The following SLC4A9 variants were observed in gnomAD, a reference collection of about 807,000 sequenced individuals.
SLC4A9 encodes solute carrier family 4 member 9.
In SLC4A9, 102 loss-of-function variants were observed where a neutral mutation model predicts 103.2. The observed-to-expected ratio is 0.99, with a 90% CI of 0.84 to 1.17. SLC4A9 has a LOEUF of 1.17. Among genes scored for constraint, SLC4A9 ranks in the 50% most tolerant of loss-of-function variants. The pLI, the probability that SLC4A9 is intolerant of heterozygous loss-of-function variation, is 0.00. For synonymous variants in SLC4A9, 453 were observed against 483.6 expected (o/e 0.94, Z 0.83); for missense variants, 1,091 against 1,193.7 (o/e 0.91, Z 1.27).
In SLC4A9 at chr5:140,367,869, C is replaced by T. The variant is rs758766611; in HGVS notation, c.2325C>T (p.Pro775=). The T allele has an allele frequency of 7.4e-6, 12 of 1,613,846 alleles. 1 individual carries two copies. Among genetic ancestry groups the T allele is most frequent in the East Asian group, 6.7e-5 (3 of 44,886 alleles). Residue 775 remains proline (P), a synonymous_variant, in exon 16 of 22, where the codon CCC becomes CCT. Transcript: ENST00000506757. ...GGAGAGAGAGCAGAGCCTGTGCCCC[C>T]GGGGAGCGCCCCAACTTCCTGGGTA... is the stretch of plus-strand genomic sequence containing the variant. ...SLRRESRACA[P]GERPNFLGIR... is the part of the protein sequence containing the mutation.
At chr5:140,372,607 C>A in intron 20 of SLC4A9, 138 bp from the exon 21 acceptor site, 1 of 1,440,942 alleles carries the variant, frequency 6.9e-7, no homozygotes, top group Non-Finnish European at 9.1e-7. Context: ...GTGGAAAGGG[C>A]TGAGGCTTCA....
Position 140,360,389 on chromosome 5 carries a change from C to A in SLC4A9, c.153C>A (p.Pro51=). The change falls in exon 1 of 22, where the codon CCC becomes CCA. Residue 51 remains proline, a synonymous_variant. Coordinates refer to ENST00000506757, the MANE Select transcript of SLC4A9 (RefSeq NM_031467.3). ...CAGAGAGCAAGGAACTGGGAGTACC[C>A]AAAGACCCTCTGCTCTTCATTCAGC... ...SDTESKELGV[P]KDPLLFIQLN... 6.2e-7 allele frequency: 1 copy of A among 1,605,544 alleles called. No homozygotes were observed. The highest frequency in any genetic ancestry group is 2.2e-5 in the East Asian group (1 of 44,508).
chr5:140,366,371 A>T, intron 14 of SLC4A9, 107 bp downstream of exon 14: 1 of 765,036 alleles, frequency 1.3e-6, no homozygotes, highest in Non-Finnish European at 2.1e-6. Flanking sequence ...TTCTTTCTTC[A>T]CTAATAAGCT....
chr5:140,364,596 G>C lies in SLC4A9; in HGVS notation c.1622G>C (p.Gly541Ala). Residue 541 changes from glycine (G) to alanine (A), a missense_variant, in exon 11 of 22, where the codon GGG becomes GCG. By Grantham distance (60) the Gly-to-Ala change is moderately conservative (BLOSUM62 0). Transcript: ENST00000506757. ...CAGAAGCCTGGGTCCTCTGCCTACGGGTGCCTCTGCCAATACCCAGGCCCA... is the reference window on the plus strand; with the variant it reads ...CAGAAGCCTGGGTCCTCTGCCTACGCGTGCCTCTGCCAATACCCAGGCCCA... ...PIQKPGSSAY[G>A]CLCQYPGPGG... 1 of 1,601,486 alleles carries C rather than the reference G, an allele frequency of 6.2e-7. No individual in the cohort carries two copies. The highest frequency in any genetic ancestry group is 8.5e-7 in the Non-Finnish European group (1 of 1,173,848).
intron 17 of SLC4A9, among the ~76,000 whole-genome samples, chr5:140,369,279 T>C (rs1768342513): frequency 7.2e-6 from 1 of 138,450 alleles, no homozygotes; most frequent in African/African-American, 2.7e-5. Flanking sequence ...CAAGAATGTC[T>C]CAAAAAAAAA....
chr5:140,360,429 G>A lies in SLC4A9; in HGVS notation c.193G>A (p.Gly65Ser), dbSNP rs1176928432. The part of the protein sequence containing the change: ...LLFIQLNELL[G>S]WPQALEWRET... ...CTTCATTCAGCTGAATGAGCTGCTG[G>A]GCTGGCCCCAGGCGCTGGAGTGGAG... Residue 65 changes from glycine to serine, a missense_variant, in exon 1 of 22, where the codon GGC becomes AGC. By Grantham distance (56) the Gly-to-Ser change is moderately conservative (BLOSUM62 0). Coordinates refer to ENST00000506757, the MANE Select transcript of SLC4A9 (RefSeq NM_031467.3). 1 of 1,592,224 alleles carries A rather than the reference G, an allele frequency of 6.3e-7. No homozygotes were observed. Among genetic ancestry groups the A allele is most frequent in the Non-Finnish European group, 8.6e-7 (1 of 1,169,090 alleles).
In SLC4A9 at chr5:140,360,314, C is replaced by G. The variant is rs1460386146; in HGVS notation, c.78C>G (p.Asp26Glu). 1 of 1,612,144 alleles carries G rather than the reference C, an allele frequency of 6.2e-7. No individual in the cohort carries two copies. Among genetic ancestry groups the G allele is most frequent in the Non-Finnish European group, 8.5e-7 (1 of 1,179,172 alleles). Residue 26 changes from aspartate to glutamate, a missense_variant, in exon 1 of 22, where the codon GAC (aspartate) becomes GAG (glutamate). By Grantham distance (45) the Asp-to-Glu change is conservative. Coordinates refer to ENST00000506757, the MANE Select transcript of SLC4A9 (RefSeq NM_031467.3). ...GAAATATTCCTTCAGGGGAGCTGGA[C>G]AGCAACCCTGACCCTGGCACCGGCC... ...APRNIPSGELDSNPDPGTGPS... is the reference protein window; with the variant it reads ...APRNIPSGELESNPDPGTGPS...
chr5:140,364,751 G>A, intron 11 of SLC4A9, 126 bp downstream of exon 11: 1 of 1,154,254 alleles, frequency 8.7e-7, no homozygotes, highest in South Asian at 1.6e-5. Context: ...ATAACTGGCA[G>A]TACTATTTAC....
At chr5:140,362,356 A>G (rs909743845) in intron 5 of SLC4A9, 89 bp from the exon 6 acceptor site, 83 of 1,356,614 alleles carry the variant, frequency 6.1e-5, no homozygotes, top group Non-Finnish European at 7.7e-5. Flanking sequence ...TGTTTATGGG[A>G]GCTGATAGGT....
At position 140,369,508 on chromosome 5, in the gene SLC4A9, A is replaced by G. The variant is rs1302679791; in HGVS notation, c.2427+849A>G. On this transcript the variant is annotated intron_variant, in intron 17 of 21. Coordinates refer to ENST00000506757, the MANE Select transcript of SLC4A9 (RefSeq NM_031467.3). ...AATTAAGTAACAAGTAATAGCAAAA[A>G]GGTTGAACAAGCCAAGACAGCAAGC... is the stretch of plus-strand genomic sequence containing the variant. 5.4e-5 allele frequency among the ~76,000 whole-genome samples: 8 copies of G among 148,556 alleles called. No homozygotes were observed. In the South Asian group the frequency reaches 1.3e-3, roughly 24 times the overall value.
In SLC4A9 at chr5:140,363,371, C is replaced by A; in HGVS notation, c.963-68C>A. The A allele has an allele frequency of 1.4e-6, 2 of 1,404,896 alleles. No homozygotes were observed. The highest frequency in any genetic ancestry group is 2.0e-6 in the Non-Finnish European group (2 of 1,024,394). The allele number at this position is 1,404,896 out of a possible 1,614,324, so 87.0% of individuals were successfully genotyped here. A position where few individuals can be genotyped will look rare whatever the true frequency, so the allele number is the denominator to read the frequency against. ...GCAGCCGCTAGGGGGCAGGGCGCCA[C>A]GAGCTCTGGACCGAGTCGCAGACTG... On this transcript the variant is annotated intron_variant, in intron 7 of 21. Transcript: ENST00000506757. This position sits in a 1 kb window ranked among gnomAD's most constrained non-coding sequence, Gnocchi z 4.5.
At chr5:140,371,706 G>GGGTGGCCA in intron 19 of SLC4A9, 82 bp downstream of exon 19, 1 of 1,483,620 alleles carries the variant, frequency 6.7e-7, no homozygotes, top group Non-Finnish European at 9.2e-7. Context: ...GCCTCCACGA[G>GGGTGGCCA]AGGAAGAATC....
At chr5:140,371,703 C>A in intron 19 of SLC4A9, 79 bp downstream of exon 19, 2 of 1,493,348 alleles carry the variant, frequency 1.3e-6, no homozygotes, top group Non-Finnish European at 1.8e-6. Flanking sequence ...AAGGCCTCCA[C>A]GAGAGGAAGA....
chr5:140,363,645 G>C lies in SLC4A9; in HGVS notation c.1080-83G>C, dbSNP rs1767449264. On this transcript the variant is annotated intron_variant, in intron 8 of 21. Transcript: ENST00000506757. This position sits in a 1 kb window ranked among gnomAD's most constrained non-coding sequence, Gnocchi z 4.5. ...TGAGGTGTGTGCTCACTGTGGGAGG[G>C]GCTCACCCGGTCACAGGGAAAGTAG... The C allele has an allele frequency of 6.3e-7, 1 of 1,581,516 alleles. No homozygotes were observed. Among genetic ancestry groups the C allele is most frequent in the East Asian group, 2.3e-5 (1 of 43,660 alleles).
At chr5:140,366,388 A>G in intron 14 of SLC4A9, 124 bp downstream of exon 14, 1 of 688,194 alleles carries the variant, frequency 1.5e-6, no homozygotes, top group East Asian at 2.7e-5. Context: ...AGCTAGAGAT[A>G]GTAATAATAA....
intron 20 of SLC4A9, 159 bp downstream of exon 20, chr5:140,372,556 G>C: frequency 6.9e-7 from 1 of 1,448,266 alleles, no homozygotes; most frequent in African/African-American, 1.4e-5. Context: ...CTGAAGGGGT[G>C]AAGGAAATCT....
At chr5:140,362,351 A>G (rs1305546250) in intron 5 of SLC4A9, 94 bp from the exon 6 acceptor site, 1 of 1,338,072 alleles carries the variant, frequency 7.5e-7, no homozygotes, top group South Asian at 1.2e-5. Context: ...GAGTGTGTTT[A>G]TGGGAGCTGA....
Position 140,363,982 on chromosome 5 carries a change from G to C in SLC4A9, c.1255-72G>C. 1 of 1,556,992 alleles carries C rather than the reference G, an allele frequency of 6.4e-7. No individual in the cohort carries two copies. Among genetic ancestry groups the C allele is most frequent in the Non-Finnish European group, 8.7e-7 (1 of 1,150,546 alleles). On this transcript the variant is annotated intron_variant, in intron 9 of 21. Transcript: ENST00000506757. The surrounding 1 kb of genome is among the most constrained non-coding windows in gnomAD (Gnocchi z 4.5). ...TCCCCTGGGACTATGGGTAAGTTAAGGAGGCTCTCCCAAAGCTTCAAAGGA... is the reference window on the plus strand; with the variant it reads ...TCCCCTGGGACTATGGGTAAGTTAACGAGGCTCTCCCAAAGCTTCAAAGGA...
rs372963997 is a variant in SLC4A9 at position 140,371,467 on chromosome 5, A to T, written c.2513A>T (p.Lys838Met). The T allele has an allele frequency of 2.7e-5, 44 of 1,613,880 alleles. No individual in the cohort carries two copies. Among genetic ancestry groups the T allele is most frequent in the Non-Finnish European group, 3.6e-5 (43 of 1,179,890 alleles). Reference protein sequence around the residue: ...LSSIQFTNRVKLLLMPAKHQP... With the variant: ...LSSIQFTNRVMLLLMPAKHQP... ...TTCCCCTAGTTCACTAATAGGGTGAAGCTGTTGTTGATGCCAGCAAAACAC... is the reference window on the plus strand; with the variant it reads ...TTCCCCTAGTTCACTAATAGGGTGATGCTGTTGTTGATGCCAGCAAAACAC... Residue 838 changes from lysine to methionine, a missense_variant, in exon 19 of 22, where the codon AAG becomes ATG. Transcript: ENST00000506757.
Sources: gnomAD v4.1 joint callset for allele counts (sites outside exome capture counted in the v4.1 genomes callset) on GRCh38, gnomAD v4.1.1 for gene constraint, Gnocchi (gnomAD v3.1) non-coding constraint, MANE v1.5 for transcripts, NCBI Gene and HGNC (gene_info 2026-07-23, HGNC 2026-07-21) for gene names.